The following USP8 variants were observed in gnomAD, a reference collection of about 807,000 sequenced individuals.
USP8 encodes ubiquitin carboxyl-terminal hydrolase 8.
A neutral mutation model predicts 130.0 loss-of-function variants in USP8; 27 were observed. That is an observed-to-expected ratio of 0.21 (90% confidence interval 0.15 to 0.29). The LOEUF (loss-of-function observed/expected upper bound fraction) is 0.29, where lower values mean the gene tolerates loss of function less well. Among genes scored for constraint, USP8 ranks in the 10% least tolerant of loss-of-function variants. The pLI, the probability that USP8 is intolerant of heterozygous loss-of-function variation, is 1.00. For synonymous variants in USP8, 392 were observed against 444.1 expected (o/e 0.88, Z 1.48); for missense variants, 1,029 against 1,312.2 (o/e 0.78, Z 3.33).
At position 50,502,769 on chromosome 15, in the gene USP8, AC is replaced by A. The variant is rs2052609601; in HGVS notation, c.*3682del. The A allele has an allele frequency of 6.6e-6, 1 of 152,388 alleles. No individual in the cohort carries two copies. Among genetic ancestry groups the A allele is most frequent in the Non-Finnish European group, 1.5e-5 (1 of 68,178 alleles). 9.4% of individuals were successfully genotyped at this position (152,388 alleles called of 1,614,324 possible). ...CACTTCAGGCCCCCAAATAGCTGGG[AC>A]TACAGGCATACACCACCATGTCCAG... On this transcript the variant is annotated 3_prime_UTR_variant, in exon 20 of 20. Coordinates refer to ENST00000307179, the MANE Select transcript of USP8 (RefSeq NM_005154.5).
intron 8 of USP8, among the ~76,000 whole-genome samples, chr15:50,472,377 C>T (rs577428613): frequency 6.7e-6 from 1 of 149,920 alleles, no homozygotes; most frequent in Non-Finnish European, 1.5e-5. Flanking sequence ...GGGTGGATCA[C>T]GAGGTCAGGA....
At chr15:50,468,235 C>CTTTTT (rs71424068) in intron 7 of USP8, among the ~76,000 whole-genome samples, 1 of 105,518 alleles carries the variant, frequency 9.5e-6, no homozygotes, top group South Asian at 3.2e-4. Flanking sequence ...TGTACCTGGC[C>CTTTTT]TTTTTTTTTT....
chr15:50,468,785 C>T (rs2051282693), intron 7 of USP8, among the ~76,000 whole-genome samples: 8 of 152,142 alleles, frequency 5.3e-5, no homozygotes, highest in Admixed American at 4.6e-4. Flanking sequence ...CTCCCATATT[C>T]TTAACTTTTA....
In USP8 at chr15:50,425,277, T is replaced by C. The variant is rs1162157671; in HGVS notation, c.-66+763T>C. On this transcript the variant is annotated intron_variant, in intron 1 of 19. Coordinates refer to ENST00000307179, the MANE Select transcript of USP8 (RefSeq NM_005154.5). ...ACCTGAGGGTTTCAGATGAAAGGGA[T>C]TTATATCTAAAGGATGTTACCTTTT... Among the ~76,000 whole-genome samples, 5 of 152,230 alleles carry C rather than the reference T, an allele frequency of 3.3e-5. No individual in the cohort carries two copies. In the East Asian group the frequency reaches 9.6e-4, roughly 29 times the overall value.
In USP8 at chr15:50,476,963, C is replaced by T. The variant is rs574030216; in HGVS notation, c.964C>T (p.Arg322Ter). 4 of 1,607,102 alleles carry T rather than the reference C, an allele frequency of 2.5e-6. No individual in the cohort carries two copies. The highest frequency in any genetic ancestry group is 1.3e-5 in the African/African-American group (1 of 74,650). The change falls in exon 9 of 20, where the codon CGA becomes TGA. Residue 322 changes from arginine to a stop codon, truncating the protein, a stop_gained. Coordinates refer to ENST00000307179, the MANE Select transcript of USP8 (RefSeq NM_005154.5). LOFTEE classifies it high-confidence loss of function. Reference protein sequence around the residue: ...TTNAKVTPPPRRQNEEVSISL... With the variant: ...TTNAKVTPPP ...AAATGCTAAGGTCACTCCACCCCCA[C>T]GACGCCAGAATGAAGAGGTGTCTAT...
At chr15:50,494,584 A>C (rs1033229101) in intron 16 of USP8, among the ~76,000 whole-genome samples, 1 of 152,268 alleles carries the variant, frequency 6.6e-6, no homozygotes, top group African/African-American at 2.4e-5. Flanking sequence ...AAAAGATTAT[A>C]GACAGTTTGA....
At chr15:50,444,128 C>G (rs1409072687) in intron 3 of USP8, among the ~76,000 whole-genome samples, 9 of 119,278 alleles carry the variant, frequency 7.5e-5, no homozygotes, top group Non-Finnish European at 1.5e-4. Flanking sequence ...TTTAAGGTGA[C>G]AGTCTTGTTC....
Position 50,499,816 on chromosome 15 carries a change from A to G in USP8, c.*728A>G, listed in dbSNP as rs1470043276. The G allele has an allele frequency of 6.6e-6, 1 of 152,194 alleles. No homozygotes were observed. Among genetic ancestry groups the G allele is most frequent in the Non-Finnish European group, 1.5e-5 (1 of 68,026 alleles). The allele number at this position is 152,194 out of a possible 1,614,324, so 9.4% of individuals were successfully genotyped here. A position where few individuals can be genotyped will look rare whatever the true frequency, so the allele number is the denominator to read the frequency against. ...GGTGTTCTGTCTTTAATATTGTATT[A>G]TCAAATATAGGACAGTAAAACCATA... On this transcript the variant is annotated 3_prime_UTR_variant, in exon 20 of 20. Coordinates refer to ENST00000307179, the MANE Select transcript of USP8 (RefSeq NM_005154.5).
intron 1 of USP8, among the ~76,000 whole-genome samples, chr15:50,437,898 G>A (rs1315790674): frequency 6.6e-6 from 1 of 152,164 alleles, no homozygotes; most frequent in Admixed American, 6.6e-5. Context: ...ATATTAGATC[G>A]TTGTTTCTAA....
chr15:50,447,610 T>A lies in USP8; in HGVS notation c.250-1790T>A, dbSNP rs2050485163. 3.3e-5 allele frequency among the ~76,000 whole-genome samples: 5 copies of A among 151,282 alleles called. No homozygotes were observed. In the Admixed American group the frequency reaches 3.3e-4, roughly 10 times the overall value. ...AGAGTTTGACTCTTGTTGCCCGGGG[T>A]AGAGTACAATGGCGTGATCTCAGCT... On this transcript the variant is annotated intron_variant, in intron 3 of 19. Transcript: ENST00000307179.
intron 7 of USP8, among the ~76,000 whole-genome samples, chr15:50,467,587 C>T (rs2051233537): frequency 6.6e-6 from 1 of 152,052 alleles, no homozygotes. Context: ...GACAGGGTCT[C>T]ACTCTGTGCC....
At chr15:50,496,880 C>T (rs2052434261) in intron 17 of USP8, 1 of 500,338 alleles carries the variant, frequency 2.0e-6, no homozygotes, top group Non-Finnish European at 3.4e-6. Context: ...TCACAACACA[C>T]TGTAGGTAGC....
rs913952360 is a variant in USP8 at position 50,509,304 on chromosome 15, G to T, written c.*10216G>T. On this transcript the variant is annotated 3_prime_UTR_variant, in exon 20 of 20. Transcript: ENST00000307179. Reference sequence around the variant, plus strand: ...TGCACTCCAGCCTGGGAGACAGAGTGAGACCCTCTCTCAAAAATAGTAACT... The same window carrying T: ...TGCACTCCAGCCTGGGAGACAGAGTTAGACCCTCTCTCAAAAATAGTAACT... 6.6e-6 allele frequency: 1 copy of T among 151,904 alleles called. No homozygotes were observed. Among genetic ancestry groups the T allele is most frequent in the African/African-American group, 2.4e-5 (1 of 41,298 alleles). 9.4% of individuals were successfully genotyped at this position (151,904 alleles called of 1,614,324 possible).
intron 5 of USP8, 107 bp downstream of exon 5, chr15:50,459,269 G>T: frequency 1.4e-6 from 2 of 1,380,278 alleles, no homozygotes; most frequent in South Asian, 1.5e-5. Context: ...CAACAAGGAT[G>T]AAATTTAATG....
chr15:50,453,394 C>T (rs1454788917), intron 4 of USP8, among the ~76,000 whole-genome samples: 1 of 152,122 alleles, frequency 6.6e-6, no homozygotes, highest in Non-Finnish European at 1.5e-5. Flanking sequence ...CCCTTTCTTC[C>T]TTGACCCATG....
Position 50,500,731 on chromosome 15 carries a change from T to C in USP8, c.*1643T>C, listed in dbSNP as rs756839693. Reference sequence around the variant, plus strand: ...ATCCATAGCATTTTGAACAGAAGTATCTGGAATCTCACTGACTCGTGTGTT... The same window carrying C: ...ATCCATAGCATTTTGAACAGAAGTACCTGGAATCTCACTGACTCGTGTGTT... On this transcript the variant is annotated 3_prime_UTR_variant, in exon 20 of 20. Transcript: ENST00000307179. 5 of 1,548,836 alleles carry C rather than the reference T, an allele frequency of 3.2e-6. No homozygotes were observed. Among genetic ancestry groups the C allele is most frequent in the Non-Finnish European group, 4.4e-6 (5 of 1,139,968 alleles).
intron 6 of USP8, 149 bp downstream of exon 6, chr15:50,462,471 T>C (rs1031662121): frequency 1.3e-5 from 8 of 627,392 alleles, no homozygotes; most frequent in Non-Finnish European, 2.0e-5. Context: ...TGTACAATTA[T>C]ATTGAAAATG....
At chr15:50,427,942 C>T (rs1567591266) in intron 1 of USP8, among the ~76,000 whole-genome samples, 1 of 151,798 alleles carries the variant, frequency 6.6e-6, no homozygotes, top group Non-Finnish European at 1.5e-5. Flanking sequence ...ACTGTAACCT[C>T]TGCTTCCTGG....
rs1459343162 is a variant in USP8 at position 50,513,972 on chromosome 15, A to G, written c.*14884A>G. The G allele has an allele frequency of 6.6e-6, 1 of 152,246 alleles. No individual in the cohort carries two copies. Among genetic ancestry groups the G allele is most frequent in the Non-Finnish European group, 1.5e-5 (1 of 68,042 alleles). The allele number at this position is 152,246 out of a possible 1,614,324, so 9.4% of individuals were successfully genotyped here. ...TTCACCAAAAAACAAGAATGTTTAT[A>G]GCAACCCTCTTTGCATTAGTCAAAA... On this transcript the variant is annotated 3_prime_UTR_variant, in exon 20 of 20. Transcript: ENST00000307179.
Sources: gnomAD v4.1 joint callset for allele counts (sites outside exome capture counted in the v4.1 genomes callset) on GRCh38, gnomAD v4.1.1 for gene constraint, MANE v1.5 for transcripts, NCBI Gene and HGNC (gene_info 2026-07-23, HGNC 2026-07-21) for gene names.